The following WTIP variants were observed in gnomAD, a reference collection of about 807,000 sequenced individuals.
WTIP encodes WT1 interacting protein.
In WTIP, 23 loss-of-function variants were observed where a neutral mutation model predicts 41.7. The ratio of observed to expected loss-of-function variants is 0.55; its 90% confidence interval spans 0.40 to 0.78. WTIP has a LOEUF of 0.78. Ranked by LOEUF, WTIP falls within the 30% of genes least tolerant of loss-of-function variation. WTIP has a pLI of 0.00. For missense variants in WTIP, 619 were observed against 610.5 expected (o/e 1.01, Z -0.15); for synonymous variants, 314 against 269.9 (o/e 1.16, Z -1.60).
chr19:34,498,974 G>A (rs962916869), intron 7 of WTIP, among the ~76,000 whole-genome samples: 5 of 152,204 alleles, frequency 3.3e-5, no homozygotes, highest in Admixed American at 1.3e-4. Flanking sequence ...TTGGGAGGCC[G>A]AGGTGGGAGG....
intron 2 of WTIP, 106 bp downstream of exon 2, chr19:34,490,583 GCT>G: frequency 8.2e-7 from 1 of 1,214,794 alleles, no homozygotes; most frequent in South Asian, 1.3e-5. Flanking sequence ...GGACCACCTG[GCT>G]CTGGCCCAGG....
At chr19:34,484,760 A>G (rs1235702607) in intron 1 of WTIP, among the ~76,000 whole-genome samples, 5 of 151,288 alleles carry the variant, frequency 3.3e-5, no homozygotes, top group Non-Finnish European at 7.4e-5. Context: ...GTGGTGGCAC[A>G]TTTTTTTTCT....
chr19:34,498,087 G>A (rs1012136528), intron 7 of WTIP, among the ~76,000 whole-genome samples: 1 of 152,168 alleles, frequency 6.6e-6, no homozygotes, highest in African/African-American at 2.4e-5. Context: ...GGACAGACAG[G>A]AGACCAGGGA....
In WTIP at chr19:34,500,471, C is replaced by A. The variant is rs959787436; in HGVS notation, c.*202C>A. ...CAAGTCACTTCCCTGCGGGCCCTGCCTCCCACCCACCCCATCACCAGCTTT... is the reference window on the plus strand; with the variant it reads ...CAAGTCACTTCCCTGCGGGCCCTGCATCCCACCCACCCCATCACCAGCTTT... On this transcript the variant is annotated 3_prime_UTR_variant, in exon 8 of 8. Transcript: ENST00000590071. 1 of 693,974 alleles carries A rather than the reference C, an allele frequency of 1.4e-6. No homozygotes were observed. The allele number at this position is 693,974 out of a possible 1,614,324, so 43.0% of individuals were successfully genotyped here.
At chr19:34,499,701 CTTTT>C (rs34005738) in intron 7 of WTIP, among the ~76,000 whole-genome samples, 22 of 140,122 alleles carry the variant, frequency 1.6e-4, no homozygotes, top group Admixed American at 5.0e-4. Context: ...GAGGAAGAGT[CTTTT>C]TTTTTTTTTT....
Position 34,482,118 on chromosome 19 carries a change from G to C in WTIP, c.144G>C (p.Ala48=), listed in dbSNP as rs1317426031. The part of the protein sequence containing the change: ...RPGPGDEAAP[A]LGRRGKGSGG... ...GGCCTGGAGACGAGGCGGCGCCCGC[G>C]CTGGGCCGCAGAGGGAAGGGCAGCG... Residue 48 remains alanine, a synonymous_variant, in exon 1 of 8, where the codon GCG becomes GCC. Transcript: ENST00000590071. 2.9e-4 allele frequency: 301 copies of C among 1,048,850 alleles called. 7 individuals are homozygous for C. In the East Asian group the frequency reaches 0.019, roughly 66 times the overall value. 65.0% of individuals were successfully genotyped at this position (1,048,850 alleles called of 1,614,324 possible).
rs773168930 is a variant in WTIP, at chr19:34,508,410, G to C, written c.*8141G>C. On this transcript the variant is annotated 3_prime_UTR_variant, in exon 8 of 8. Coordinates refer to ENST00000590071, the MANE Select transcript of WTIP (RefSeq NM_001080436.2). ...GAAGTTTCAATACTCCCTTAGCCTT[G>C]GTTTGGTCACCAGAAGGAGGGGACA... The C allele has an allele frequency of 6.6e-6, 1 of 152,026 alleles. No individual in the cohort carries two copies. 9.4% of individuals were successfully genotyped at this position (152,026 alleles called of 1,614,324 possible). A position where few individuals can be genotyped will look rare whatever the true frequency, so the allele number is the denominator to read the frequency against.
Position 34,493,168 on chromosome 19 carries a change from A to G in WTIP, c.837+64A>G. 2 of 1,612,914 alleles carry G rather than the reference A, an allele frequency of 1.2e-6. No homozygotes were observed. The highest frequency in any genetic ancestry group is 1.7e-4 in the Middle Eastern group (1 of 6,056). ...AGGTGGGGCAGGGACCCTCATTCTG[A>G]CTCGAGTGGAGACCTGAGGCCAGGA... On this transcript the variant is annotated intron_variant, in intron 3 of 7. Transcript: ENST00000590071. The surrounding 1 kb of genome is among the most constrained non-coding windows in gnomAD (Gnocchi z 4.1).
At chr19:34,499,999 C>G in intron 7 of WTIP, 130 bp from the exon 8 acceptor site, 1 of 1,342,092 alleles carries the variant, frequency 7.5e-7, no homozygotes, top group Non-Finnish European at 1.0e-6. Flanking sequence ...CTGCGCCCGG[C>G]GGAAGAGTCT....
rs187212251 is a variant in WTIP, at chr19:34,499,724, A to T, written c.1153-405A>T. Among the ~76,000 whole-genome samples, 927 of 136,940 alleles carry T rather than the reference A, an allele frequency of 6.8e-3. 6 individuals are homozygous for T. Among genetic ancestry groups the T allele is most frequent in the African/African-American group, 0.024 (876 of 36,438 alleles). The allele number at this position is 136,940 out of a possible 152,430, so 89.8% of individuals were successfully genotyped here. ...GTCTTTTTTTTTTTTTTTGAGATGG[A>T]GTTTCGCTGTTGTCACCCAGGCTGG... On this transcript the variant is annotated intron_variant, in intron 7 of 7. Transcript: ENST00000590071.
At chr19:34,495,493 G>C (rs2075848115) in intron 6 of WTIP, among the ~76,000 whole-genome samples, 1 of 152,202 alleles carries the variant, frequency 6.6e-6, no homozygotes, top group Non-Finnish European at 1.5e-5. Context: ...TGTGGGCTGT[G>C]ATCGTGGAGG....
chr19:34,500,014 G>C, intron 7 of WTIP, 115 bp from the exon 8 acceptor site: 1 of 1,438,008 alleles, frequency 7.0e-7, no homozygotes, highest in Non-Finnish European at 9.3e-7. Flanking sequence ...GAGTCTTCAT[G>C]TTGTTTTGCG....
At chr19:34,500,074 C>T in intron 7 of WTIP, 55 bp from the exon 8 acceptor site, 2 of 1,583,762 alleles carry the variant, frequency 1.3e-6, no homozygotes, top group Non-Finnish European at 1.7e-6. Context: ...GTCCCGTGAC[C>T]TCTGATGTGC....
chr19:34,486,288 C>T (rs2075796810), intron 1 of WTIP, among the ~76,000 whole-genome samples: 1 of 152,118 alleles, frequency 6.6e-6, no homozygotes, highest in Admixed American at 6.6e-5. Context: ...CTGAGGAACC[C>T]CTCAGGACTG....
chr19:34,490,861 G>A (rs2075822054), intron 2 of WTIP, among the ~76,000 whole-genome samples: 1 of 152,142 alleles, frequency 6.6e-6, no homozygotes, highest in Non-Finnish European at 1.5e-5. Flanking sequence ...TTAATCTGTT[G>A]CCCACGCTGG....
In WTIP at chr19:34,503,957, CAGAGACATAGACCCTGGAGGGCTG is replaced by C. The variant is rs1439949578; in HGVS notation, c.*3691_*3714del. ...GCCTGCCTCTCAGCGGGGCTCAGCT[CAGAGACATAGACCCTGGAGGGCTG>C]AGTCTGCCTGTGTGCGTGTGTGTGT... On this transcript the variant is annotated 3_prime_UTR_variant, in exon 8 of 8. Coordinates refer to ENST00000590071, the MANE Select transcript of WTIP (RefSeq NM_001080436.2). 6.6e-6 allele frequency: 1 copy of C among 152,548 alleles called. No individual in the cohort carries two copies. The highest frequency in any genetic ancestry group is 1.9e-4 in the East Asian group (1 of 5,204). 9.4% of individuals were successfully genotyped at this position (152,548 alleles called of 1,614,324 possible). A position where few individuals can be genotyped will look rare whatever the true frequency, so the allele number is the denominator to read the frequency against.
At chr19:34,498,110 G>C (rs2075865029) in intron 7 of WTIP, among the ~76,000 whole-genome samples, 1 of 152,154 alleles carries the variant, frequency 6.6e-6, no homozygotes, top group African/African-American at 2.4e-5. Context: ...GGAGTGATGT[G>C]GTGTCACTGC....
intron 1 of WTIP, among the ~76,000 whole-genome samples, chr19:34,483,679 C>G (rs2075782550): frequency 6.6e-6 from 1 of 152,216 alleles, no homozygotes; most frequent in African/African-American, 2.4e-5. Context: ...GCCTCCACTT[C>G]CCAGTGTGGC....
At position 34,500,053 on chromosome 19, in the gene WTIP, G is replaced by T. The variant is rs933951876; in HGVS notation, c.1153-76G>T. 9.0e-6 allele frequency: 14 copies of T among 1,549,650 alleles called. No homozygotes were observed. In the East Asian group the frequency reaches 2.0e-4, roughly 23 times the overall value. On this transcript the variant is annotated intron_variant, in intron 7 of 7. Coordinates refer to ENST00000590071, the MANE Select transcript of WTIP (RefSeq NM_001080436.2). ...CCCTGCAGATCTGCCCCTCCCCTCC[G>T]TCCCTCCCCCGTCCCGTGACCTCTG...
Sources: allele counts gnomAD v4.1 joint callset (sites outside exome capture counted in the v4.1 genomes callset), GRCh38; gene constraint gnomAD v4.1.1; non-coding constraint Gnocchi (gnomAD v3.1); transcripts MANE v1.5; gene names NCBI Gene and HGNC (gene_info 2026-07-23, HGNC 2026-07-21).